The following BLK variants were observed in gnomAD, a reference collection of about 807,000 sequenced individuals.
The protein encoded by BLK is tyrosine-protein kinase Blk.
In BLK, 64 loss-of-function variants were observed where a neutral mutation model predicts 61.8. The ratio of observed to expected loss-of-function variants is 1.03; its 90% CI spans 0.85 to 1.27. BLK has a LOEUF of 1.27. Among genes scored for constraint, BLK ranks in the 50% most tolerant of loss-of-function variants. The pLI is 0.00. For missense variants in BLK, 853 were observed against 660.5 expected, an observed-to-expected ratio of 1.29 and a Z score of -3.19; for synonymous variants, 351 against 272.0, an observed-to-expected ratio of 1.29 and a Z score of -2.86.
At chr8:11,553,061 T>C (rs1308788234) in intron 6 of BLK, 5 of 171,390 alleles carry the variant, frequency 2.9e-5, no homozygotes, top group Non-Finnish European at 5.0e-5. Flanking sequence ...TATGCACAGA[T>C]GCAATGAACA....
chr8:11,533,759 G>A (rs985369661), intron 1 of BLK, among the ~76,000 whole-genome samples: 3 of 152,216 alleles, frequency 2.0e-5, no homozygotes, highest in Non-Finnish European at 2.9e-5. Context: ...AAGTACCACA[G>A]AGGTGTGAGT....
intron 6 of BLK, among the ~76,000 whole-genome samples, chr8:11,550,593 G>A (rs948017477): frequency 3.3e-5 from 5 of 152,262 alleles, no homozygotes; most frequent in Admixed American, 1.3e-4. Flanking sequence ...TTAACCACCA[G>A]CCTCTTTGGA....
chr8:11,505,261 T>C (rs2618465), intron 1 of BLK, among the ~76,000 whole-genome samples: 3,277 of 152,330 alleles, frequency 0.022, 74 homozygotes, highest in African/African-American at 0.056. Flanking sequence ...CACTTGAGTA[T>C]CATCCTTCAC....
rs1489908800 is a variant in BLK at position 11,550,193 on chromosome 8, G to T, written c.403G>T (p.Glu135Ter). ...FFRSQGRKEA[E>*]RQLLAPINKA... ...TAGATCACAGGGTCGGAAGGAGGCTGAGAGGCAGCTTCTTGCTCCAATCAA... is the reference window on the plus strand; with the variant it reads ...TAGATCACAGGGTCGGAAGGAGGCTTAGAGGCAGCTTCTTGCTCCAATCAA... The change falls in exon 6 of 13, where the codon GAG becomes TAG. Residue 135 changes from glutamate (E) to a stop codon, truncating the protein, a stop_gained. Coordinates refer to ENST00000259089, the MANE Select transcript of BLK (RefSeq NM_001715.3). LOFTEE classifies it high-confidence loss of function. 3 of 1,614,206 alleles carry T rather than the reference G, an allele frequency of 1.9e-6. No individual in the cohort carries two copies. The highest frequency in any genetic ancestry group is 1.7e-5 in the Admixed American group (1 of 60,024).
At chr8:11,506,666 C>T (rs1229044551) in intron 1 of BLK, among the ~76,000 whole-genome samples, 1 of 152,176 alleles carries the variant, frequency 6.6e-6, no homozygotes, top group East Asian at 1.9e-4. Context: ...CTGGGAGCCT[C>T]ATGAGTCTCA....
intron 1 of BLK, among the ~76,000 whole-genome samples, chr8:11,496,968 C>A (rs973381604): frequency 6.6e-6 from 1 of 152,062 alleles, no homozygotes; most frequent in Non-Finnish European, 1.5e-5. Flanking sequence ...GACTGGCCAC[C>A]GGTGGCCAGC....
chr8:11,534,430 G>A (rs1221985412), intron 1 of BLK, among the ~76,000 whole-genome samples: 1 of 151,796 alleles, frequency 6.6e-6, no homozygotes, highest in Non-Finnish European at 1.5e-5. Flanking sequence ...CTCACATAAA[G>A]GAATTTTATC....
At chr8:11,558,714 G>C (rs1271487080) in intron 10 of BLK, 2 of 456,138 alleles carry the variant, frequency 4.4e-6, no homozygotes, top group African/African-American at 4.0e-5. Context: ...TTTTAGCCGA[G>C]AGCTCTAGCT....
intron 9 of BLK, 22 bp from the exon 10 acceptor site, chr8:11,557,940 C>G (rs1366700130): frequency 1.2e-6 from 2 of 1,612,286 alleles, no homozygotes; most frequent in Non-Finnish European, 1.7e-6. Flanking sequence ...CAGAAGGGCA[C>G]TTGCAACTTC....
rs202162624 is a variant in BLK, at chr8:11,563,939, G to C, written c.1349G>C (p.Arg450Pro). 1.2e-6 allele frequency: 2 copies of C among 1,608,038 alleles called. No homozygotes were observed. The highest frequency in any genetic ancestry group is 2.2e-5 in the South Asian group (2 of 91,016). The change falls in exon 13 of 13, where the codon CGC becomes CCC. Residue 450 changes from arginine to proline, a missense_variant. Arg to Pro is a moderately radical substitution (Grantham distance 103). Transcript: ENST00000259089. ...CCCGAGGTCATCCGCAACCTGGAGC[G>C]CGGCTACCGCATGCCGCGCCCCGAC... ...SNPEVIRNLE[R>P]GYRMPRPDTC...
At chr8:11,530,179 T>A (rs1176405651) in intron 1 of BLK, among the ~76,000 whole-genome samples, 1 of 152,238 alleles carries the variant, frequency 6.6e-6, no homozygotes, top group Non-Finnish European at 1.5e-5. Flanking sequence ...TGGAATTTTT[T>A]TCATAAGGAA....
At chr8:11,546,282 A>G (rs369419239) in intron 3 of BLK, among the ~76,000 whole-genome samples, 179 bp downstream of exon 3, 2 of 152,294 alleles carry the variant, frequency 1.3e-5, no homozygotes, top group Middle Eastern at 3.4e-3. Context: ...AACCAAGAAC[A>G]AGTTTCTTCA....
intron 3 of BLK, among the ~76,000 whole-genome samples, chr8:11,547,078 C>G (rs932439680): frequency 1.3e-5 from 2 of 152,262 alleles, no homozygotes; most frequent in Non-Finnish European, 2.9e-5. Context: ...CACCCATTAA[C>G]CTGCTCATAT....
At chr8:11,543,838 GA>G (rs558233334) in intron 2 of BLK, among the ~76,000 whole-genome samples, 3 of 150,356 alleles carry the variant, frequency 2.0e-5, no homozygotes, top group South Asian at 4.2e-4. Flanking sequence ...CTTTCCAAAG[GA>G]AAAAAAAAGT....
At chr8:11,526,021 C>T (rs1458453967) in intron 1 of BLK, among the ~76,000 whole-genome samples, 1 of 152,240 alleles carries the variant, frequency 6.6e-6, no homozygotes, top group African/African-American at 2.4e-5. Flanking sequence ...GATCTGCCCG[C>T]CTCGGCCTCC....
At position 11,562,868 on chromosome 8, in the gene BLK, C is replaced by T. The variant is rs923371595; in HGVS notation, c.1181-111C>T. On this transcript the variant is annotated intron_variant, in intron 11 of 12. Coordinates refer to ENST00000259089, the MANE Select transcript of BLK (RefSeq NM_001715.3). ...TGCCTGGCCGCCCCGCCCTGTGAGG[C>T]CCCGCAGTGGGGGCTTGATGGAAGG... 4.7e-5 allele frequency: 71 copies of T among 1,499,134 alleles called. No homozygotes were observed. In the African/African-American group the frequency reaches 9.5e-4, roughly 20 times the overall value. 92.9% of individuals were successfully genotyped at this position (1,499,134 alleles called of 1,614,324 possible). A position where few individuals can be genotyped will look rare whatever the true frequency, so the allele number is the denominator to read the frequency against.
intron 1 of BLK, among the ~76,000 whole-genome samples, chr8:11,529,116 A>G (rs1417788390): frequency 2.6e-5 from 4 of 152,172 alleles, no homozygotes; most frequent in Admixed American, 2.0e-4. Context: ...AAATAATAGT[A>G]ATAATAATAA....
intron 8 of BLK, 73 bp downstream of exon 8, chr8:11,555,557 AT>A (rs1801169011): frequency 6.2e-7 from 1 of 1,602,306 alleles, no homozygotes; most frequent in African/African-American, 1.3e-5. Flanking sequence ...CAGGTTCAGC[AT>A]TTTCATAGCG....
intron 10 of BLK, chr8:11,560,663 C>T (rs559998633): frequency 2.8e-4 from 98 of 354,700 alleles, no homozygotes; most frequent in African/African-American, 1.8e-3. Flanking sequence ...CAAGTCTCTT[C>T]TTCTTCACAG....
Sources: gnomAD v4.1 joint callset for allele counts (sites outside exome capture counted in the v4.1 genomes callset) on GRCh38, gnomAD v4.1.1 for gene constraint, MANE v1.5 for transcripts, NCBI Gene and HGNC (gene_info 2026-07-23, HGNC 2026-07-21) for gene names.